Variants in LUZP1 observed in about 807,000 individuals in gnomAD.
LUZP1 encodes the protein filamin mechanobinding actin cross-linking protein.
A neutral mutation model predicts 71.3 loss-of-function variants in LUZP1; 25 were observed. The observed-to-expected ratio is 0.35, with a 90% CI of 0.26 to 0.49. LUZP1 has a LOEUF of 0.49. LUZP1 is among the 20% of genes least tolerant of loss of function. The pLI is 0.99. For missense variants in LUZP1, 1,142 were observed against 1,300.8 expected, an observed-to-expected ratio of 0.88 and a Z score of 1.88; for synonymous variants, 481 against 506.4, an observed-to-expected ratio of 0.95 and a Z score of 0.67.
At chr1:23,153,770 C>T (rs981833201) in intron 2 of LUZP1, among the ~76,000 whole-genome samples, 1 of 152,112 alleles carries the variant, frequency 6.6e-6, no homozygotes. Context: ...CTCGACTCTA[C>T]TAGAAATCAA....
intron 2 of LUZP1, among the ~76,000 whole-genome samples, chr1:23,164,219 G>C (rs1644492134): frequency 6.6e-6 from 1 of 152,204 alleles, no homozygotes; most frequent in South Asian, 2.1e-4. Flanking sequence ...TCACCGGCTG[G>C]GCGCGGTGGC....
At chr1:23,149,227 C>T (rs1339647375) in intron 2 of LUZP1, among the ~76,000 whole-genome samples, 3 of 151,670 alleles carry the variant, frequency 2.0e-5, no homozygotes, top group African/African-American at 7.3e-5. Context: ...ACACGAGCCA[C>T]AGCAGGACTG....
At chr1:23,098,153 C>T (rs1399957943) in intron 3 of LUZP1, among the ~76,000 whole-genome samples, 1 of 152,164 alleles carries the variant, frequency 6.6e-6, no homozygotes, top group East Asian at 1.9e-4. Context: ...TTGGACTGAA[C>T]CAGATCGAAG....
chr1:23,147,121 A>AATG (rs1644349444), intron 2 of LUZP1, among the ~76,000 whole-genome samples: 1 of 146,278 alleles, frequency 6.8e-6, no homozygotes, highest in Non-Finnish European at 1.5e-5. Context: ...TAATAATAAT[A>AATG]ATAATAACTA....
At chr1:23,138,684 T>TGA (rs1557672172) in intron 2 of LUZP1, among the ~76,000 whole-genome samples, 2 of 105,274 alleles carry the variant, frequency 1.9e-5, no homozygotes, top group African/African-American at 1.2e-4. Context: ...TGTGTGTGTG[T>TGA]GTGTGTGTGT....
At chr1:23,107,548 C>T (rs1013557116) in intron 3 of LUZP1, among the ~76,000 whole-genome samples, 3 of 151,978 alleles carry the variant, frequency 2.0e-5, no homozygotes, top group Admixed American at 6.5e-5. Context: ...CACTTATAAT[C>T]CCAGCACTCT....
At chr1:23,152,609 C>T (rs1644392940) in intron 2 of LUZP1, among the ~76,000 whole-genome samples, 2 of 152,096 alleles carry the variant, frequency 1.3e-5, no homozygotes, top group East Asian at 3.8e-4. Flanking sequence ...GGGCTCACTG[C>T]AACCTCTGCC....
chr1:23,094,303 C>A lies in LUZP1; in HGVS notation c.-42G>T. On this transcript the variant is annotated 5_prime_UTR_variant, in exon 4 of 5. Transcript: ENST00000302291. The surrounding 1 kb of genome is among the most constrained non-coding windows in gnomAD (Gnocchi z 4.7). ...TGTGGGCTCCTAGAGGCATCCAATT[C>A]CACTCAAGGGGATGAGAAATGGTTA... is the stretch of plus-strand genomic sequence containing the variant. The A allele has an allele frequency of 1.3e-6, 2 of 1,534,410 alleles. No individual in the cohort carries two copies. Among genetic ancestry groups the A allele is most frequent in the South Asian group, 1.3e-5 (1 of 76,268 alleles).
chr1:23,105,062 C>T (rs1261906937), intron 3 of LUZP1, among the ~76,000 whole-genome samples: 2 of 152,154 alleles, frequency 1.3e-5, no homozygotes, highest in Non-Finnish European at 2.9e-5. Flanking sequence ...AATTTGCAAC[C>T]TGTATTGGAC....
At chr1:23,173,133 T>G (rs1176464027) in intron 1 of LUZP1, among the ~76,000 whole-genome samples, 1 of 151,416 alleles carries the variant, frequency 6.6e-6, no homozygotes, top group Non-Finnish European at 1.5e-5. Flanking sequence ...GGCTCACACC[T>G]GTGGTCCTAG....
At position 23,094,290 on chromosome 1, in the gene LUZP1, G is replaced by A. The variant is rs1643881762; in HGVS notation, c.-29C>T. On this transcript the variant is annotated 5_prime_UTR_variant, in exon 4 of 5. Transcript: ENST00000302291. This position sits in a 1 kb window ranked among gnomAD's most constrained non-coding sequence, Gnocchi z 4.7. Reference sequence around the variant, plus strand: ...TACTGCCAGCCAATGTGGGCTCCTAGAGGCATCCAATTCCACTCAAGGGGA... The same window carrying A: ...TACTGCCAGCCAATGTGGGCTCCTAAAGGCATCCAATTCCACTCAAGGGGA... 3 of 1,553,386 alleles carry A rather than the reference G, an allele frequency of 1.9e-6. No individual in the cohort carries two copies. Among genetic ancestry groups the A allele is most frequent in the Non-Finnish European group, 2.6e-6 (3 of 1,154,764 alleles).
At chr1:23,169,236 G>C (rs1166276122) in intron 1 of LUZP1, among the ~76,000 whole-genome samples, 1 of 152,160 alleles carries the variant, frequency 6.6e-6, no homozygotes, top group Admixed American at 6.5e-5. Flanking sequence ...GCGCCCGCCG[G>C]TAAGCTAAAG....
intron 3 of LUZP1, among the ~76,000 whole-genome samples, chr1:23,107,772 G>A (rs752749978): frequency 8.5e-5 from 13 of 152,182 alleles, no homozygotes; most frequent in Non-Finnish European, 1.9e-4. Context: ...TCGCACCAGT[G>A]CACTCCAGCC....
intron 2 of LUZP1, among the ~76,000 whole-genome samples, chr1:23,165,492 C>A (rs1228423544): frequency 2.6e-5 from 4 of 151,080 alleles, no homozygotes; most frequent in African/African-American, 9.8e-5. Flanking sequence ...CTGGGAAACA[C>A]AGGGAAACCT....
chr1:23,102,382 C>A (rs1643938784), intron 3 of LUZP1, among the ~76,000 whole-genome samples: 1 of 152,134 alleles, frequency 6.6e-6, no homozygotes, highest in Non-Finnish European at 1.5e-5. Context: ...TGAAATAGAA[C>A]ATAATCAGGC....
intron 3 of LUZP1, among the ~76,000 whole-genome samples, chr1:23,099,764 ATACT>A (rs979972417): frequency 6.6e-6 from 1 of 152,192 alleles, no homozygotes; most frequent in African/African-American, 2.4e-5. Context: ...TATGTAGCAA[ATACT>A]TACTGGAAAC....
intron 2 of LUZP1, chr1:23,140,736 C>G (rs1644296708): frequency 6.6e-6 from 1 of 152,572 alleles, no homozygotes; most frequent in South Asian, 2.1e-4. Flanking sequence ...GAGCCAGTGG[C>G]ACCCAAGGAC....
intron 2 of LUZP1, among the ~76,000 whole-genome samples, chr1:23,115,812 G>T (rs1644073214): frequency 6.6e-6 from 1 of 152,128 alleles, no homozygotes; most frequent in Non-Finnish European, 1.5e-5. Context: ...AAAGTGCTGG[G>T]ATTACAGGCG....
chr1:23,087,938 G>A (rs1643791317), exon 5 of LUZP1: 1 of 152,686 alleles, frequency 6.5e-6, no homozygotes, highest in African/African-American at 2.4e-5. Flanking sequence ...TAGTCTCACA[G>A]TCCATGCCTC....
Sources: gnomAD v4.1 joint callset for allele counts (sites outside exome capture counted in the v4.1 genomes callset) on GRCh38, gnomAD v4.1.1 for gene constraint, Gnocchi (gnomAD v3.1) non-coding constraint, MANE v1.5 for transcripts, NCBI Gene and HGNC (gene_info 2026-07-23, HGNC 2026-07-21) for gene names.